Variants in AUTS2 observed in about 807,000 individuals in gnomAD.
AUTS2 encodes the protein autism susceptibility gene 2 protein.
A neutral mutation model predicts 112.4 loss-of-function variants in AUTS2; 17 were observed. The ratio of observed to expected loss-of-function variants is 0.15; its 90% CI spans 0.10 to 0.23. The LOEUF is 0.23. Ranked by LOEUF, AUTS2 falls within the 10% of genes least tolerant of loss-of-function variation. AUTS2 has a pLI of 1.00. For missense variants in AUTS2, 1,510 were observed against 1,701.6 expected, an observed-to-expected ratio of 0.89 and a Z score of 1.98; for synonymous variants, 751 against 702.7, an observed-to-expected ratio of 1.07 and a Z score of -1.09.
At chr7:70,641,628 G>C (rs1805836411) in intron 5 of AUTS2, among the ~76,000 whole-genome samples, 1 of 152,180 alleles carries the variant, frequency 6.6e-6, no homozygotes, top group Non-Finnish European at 1.5e-5. Flanking sequence ...AGGTAATCAG[G>C]TTCCTTAGTT....
At chr7:69,672,712 A>G (rs558799275) in intron 1 of AUTS2, among the ~76,000 whole-genome samples, 122 of 152,302 alleles carry the variant, frequency 8.0e-4, no homozygotes, top group African/African-American at 2.8e-3. Context: ...ATATTGTGGC[A>G]CAATTTGTTG....
At chr7:69,981,796 G>A (rs150555264) in intron 2 of AUTS2, among the ~76,000 whole-genome samples, 1 of 152,298 alleles carries the variant, frequency 6.6e-6, no homozygotes, top group Non-Finnish European at 1.5e-5. Context: ...GCATTAGTAG[G>A]TCACTAAAGA....
intron 2 of AUTS2, among the ~76,000 whole-genome samples, chr7:70,057,023 C>G (rs1406146151): frequency 6.6e-6 from 1 of 152,142 alleles, no homozygotes; most frequent in East Asian, 1.9e-4. Flanking sequence ...GTTCCTGTTT[C>G]AAATGCCTTT....
At chr7:69,952,219 T>C (rs759334841) in intron 2 of AUTS2, among the ~76,000 whole-genome samples, 2 of 152,196 alleles carry the variant, frequency 1.3e-5, no homozygotes, top group African/African-American at 2.4e-5. Context: ...GTCCTTTAAA[T>C]GTTTTTGTGT....
At chr7:69,659,451 AT>A (rs57592846) in intron 1 of AUTS2, among the ~76,000 whole-genome samples, 20,205 of 137,738 alleles carry the variant, frequency 0.15, 1,579 homozygotes, top group African/African-American at 0.25. Flanking sequence ...TTGGGAAGCA[AT>A]TTTTTTTTTT....
chr7:70,062,572 A>G (rs1458738928), intron 2 of AUTS2, among the ~76,000 whole-genome samples: 2 of 151,778 alleles, frequency 1.3e-5, no homozygotes, highest in East Asian at 3.9e-4. Flanking sequence ...ATTGTTTTTC[A>G]CAAGTTGCAA....
chr7:70,256,343 G>T (rs1242684310), intron 4 of AUTS2, among the ~76,000 whole-genome samples: 2 of 152,210 alleles, frequency 1.3e-5, no homozygotes, highest in East Asian at 3.8e-4. Context: ...GTGTGTAAAT[G>T]TTGCACAGTG....
At chr7:69,981,373 A>G (rs1362079690) in intron 2 of AUTS2, among the ~76,000 whole-genome samples, 6 of 152,226 alleles carry the variant, frequency 3.9e-5, no homozygotes, top group African/African-American at 1.2e-4. Context: ...GTTAACATTC[A>G]CCCATGAGAA....
intron 5 of AUTS2, among the ~76,000 whole-genome samples, chr7:70,577,793 T>C (rs1340228174): frequency 6.6e-6 from 1 of 150,458 alleles, no homozygotes; most frequent in Non-Finnish European, 1.5e-5. Flanking sequence ...TTTTTGTTCA[T>C]ATGTGTTTTA....
At chr7:69,978,894 A>ACG (rs1554418146) in intron 2 of AUTS2, among the ~76,000 whole-genome samples, 9 of 137,200 alleles carry the variant, frequency 6.6e-5, no homozygotes, top group Middle Eastern at 4.0e-3. Flanking sequence ...ACACACACAC[A>ACG]CACACACGCA....
intron 5 of AUTS2, among the ~76,000 whole-genome samples, chr7:70,569,585 A>T (rs1471472726): frequency 6.6e-6 from 1 of 152,206 alleles, no homozygotes; most frequent in East Asian, 1.9e-4. Flanking sequence ...ACACTGTCCC[A>T]GTAATCTGAT....
chr7:69,933,234 G>A (rs939384119), intron 2 of AUTS2, among the ~76,000 whole-genome samples: 3 of 152,188 alleles, frequency 2.0e-5, no homozygotes, highest in African/African-American at 7.2e-5. Flanking sequence ...TCTGCTCTGT[G>A]AAGTAGTCCA....
chr7:70,527,991 C>G (rs1021933917), intron 5 of AUTS2, among the ~76,000 whole-genome samples: 1 of 151,728 alleles, frequency 6.6e-6, no homozygotes, highest in Non-Finnish European at 1.5e-5. Context: ...AACACACCTG[C>G]TTTAGCTATT....
chr7:70,125,291 A>G (rs928635610), intron 3 of AUTS2, among the ~76,000 whole-genome samples: 2 of 138,496 alleles, frequency 1.4e-5, no homozygotes, highest in African/African-American at 2.7e-5. Flanking sequence ...GTGTGTTTTT[A>G]ATGTTTGCTT....
At chr7:70,252,795 T>A (rs967869592) in intron 4 of AUTS2, among the ~76,000 whole-genome samples, 3 of 152,170 alleles carry the variant, frequency 2.0e-5, no homozygotes, top group Non-Finnish European at 2.9e-5. Context: ...GTTTCATTGT[T>A]CTGCTTGTGG....
Position 70,411,912 on chromosome 7 carries a change from C to T in AUTS2, c.661-23840C>T, listed in dbSNP as rs538154175. 4.1e-3 allele frequency among the ~76,000 whole-genome samples: 585 copies of T among 143,850 alleles called. 3 individuals carry two copies. The highest frequency in any genetic ancestry group is 6.9e-3 in the Non-Finnish European group (453 of 65,756). The allele number at this position is 143,850 out of a possible 152,430, so 94.4% of individuals were successfully genotyped here. A position where few individuals can be genotyped will look rare whatever the true frequency, so the allele number is the denominator to read the frequency against. ...GTTTAAACTCTTTCCTTTTTTTTTT[C>T]CTTTTTTCTTTTTTTTTTTTTTTTG... On this transcript the variant is annotated intron_variant, in intron 4 of 18. Transcript: ENST00000342771.
At chr7:70,439,921 A>G (rs555540481) in intron 5 of AUTS2, among the ~76,000 whole-genome samples, 1 of 152,236 alleles carries the variant, frequency 6.6e-6, no homozygotes, top group Non-Finnish European at 1.5e-5. Flanking sequence ...GACTGAGCTG[A>G]TTGGAAGGCA....
intron 4 of AUTS2, among the ~76,000 whole-genome samples, chr7:70,141,163 A>G (rs1308210343): frequency 6.6e-6 from 1 of 152,216 alleles, no homozygotes; most frequent in Non-Finnish European, 1.5e-5. Context: ...ACAAGAATAC[A>G]GAGAAATTGC....
intron 4 of AUTS2, among the ~76,000 whole-genome samples, chr7:70,191,236 C>T (rs974785205): frequency 2.8e-5 from 4 of 140,912 alleles, no homozygotes; most frequent in South Asian, 2.2e-4. Context: ...GGCGCAATCT[C>T]GGCTCACTGC....
Sources: gnomAD v4.1 joint callset for allele counts (sites outside exome capture counted in the v4.1 genomes callset) on GRCh38, gnomAD v4.1.1 for gene constraint, MANE v1.5 for transcripts, NCBI Gene and HGNC (gene_info 2026-07-23, HGNC 2026-07-21) for gene names.